Variants in DMD observed in about 807,000 individuals in gnomAD.
DMD encodes dystrophin.
A neutral mutation model predicts 330.1 loss-of-function variants in DMD; 63 were observed. That is an observed-to-expected ratio of 0.19 (90% CI 0.16 to 0.24). DMD has a LOEUF of 0.24. Among genes scored for constraint, DMD ranks in the 10% least tolerant of loss-of-function variants. DMD has a pLI of 1.00. For synonymous variants in DMD, 1,223 were observed against 959.8 expected (o/e 1.27, Z -5.07); for missense variants, 3,344 against 2,684.1 (o/e 1.25, Z -5.43).
intron 26 of DMD, among the ~76,000 whole-genome samples, chrX:32,452,515 G>T (rs2098338643): frequency 1.1e-5 from 1 of 93,907 alleles, no homozygotes; most frequent in Non-Finnish European, 2.2e-5. Context: ...GGAAAGGAAA[G>T]GAAAGGAAAA....
intron 1 of DMD, among the ~76,000 whole-genome samples, chrX:33,106,378 T>A (rs1025124750): frequency 1.8e-5 from 2 of 110,946 alleles, no homozygotes; most frequent in African/African-American, 6.6e-5. Context: ...TTCACCATTA[T>A]ACAATTCATA....
rs746104851 is a variant in DMD at position 32,710,787 on chromosome X, G to T, written c.650-11494C>A. 1.4e-3 allele frequency among the ~76,000 whole-genome samples: 150 copies of T among 110,951 alleles called. 1 individual carries two copies. The highest frequency in any genetic ancestry group is 4.8e-3 in the African/African-American group (146 of 30,567). The stretch of plus-strand genomic sequence containing the variant: ...TTTGTGCTAAGCGTCTGCATACCTG[G>T]GGGTTTGAAAGATTCAAGTGTGTGA... On this transcript the variant is annotated intron_variant, in intron 7 of 78. Coordinates refer to ENST00000357033, the MANE Select transcript of DMD (RefSeq NM_004006.3).
In DMD at chrX:33,190,315, A is replaced by G. The variant is rs565233286; in HGVS notation, c.31+20967T>C. Among the ~76,000 whole-genome samples, 109 of 105,856 alleles carry G rather than the reference A, an allele frequency of 1.0e-3. 1 individual carries two copies. The South Asian group carries it at 0.043, about 42-fold the overall frequency. The allele number at this position is 105,856 out of a possible 115,157, so 91.9% of individuals were successfully genotyped here. On this transcript the variant is annotated intron_variant, in intron 1 of 78. Transcript: ENST00000357033. ...ATTTGTATTTCTGTGAGCTCAATTCATAACTATGCAACTCTCCTGAAGCAT... is the reference window on the plus strand; with the variant it reads ...ATTTGTATTTCTGTGAGCTCAATTCGTAACTATGCAACTCTCCTGAAGCAT...
intron 60 of DMD, among the ~76,000 whole-genome samples, chrX:31,431,315 T>A (rs17340749): frequency 0.14 from 15,835 of 110,432 alleles, 1,066 homozygotes; most frequent in East Asian, 0.34. Context: ...GTAAGGGGAG[T>A]GGAATCTGAA....
intron 27 of DMD, 91 bp from the exon 28 acceptor site, chrX:32,441,405 A>G (rs2098281061): frequency 6.5e-6 from 6 of 923,440 alleles, no homozygotes; most frequent in Non-Finnish European, 9.2e-6. Flanking sequence ...TTCTGAAAAT[A>G]TAACACTTTG....
intron 45 of DMD, among the ~76,000 whole-genome samples, chrX:31,955,817 A>G (rs1005097212): frequency 1.8e-5 from 2 of 112,150 alleles, no homozygotes; most frequent in African/African-American, 6.5e-5. Flanking sequence ...TTTGAGACAT[A>G]GAAGAGGAAA....
intron 42 of DMD, among the ~76,000 whole-genome samples, chrX:32,299,800 G>C (rs1253410500): frequency 9.0e-6 from 1 of 110,617 alleles, no homozygotes; most frequent in East Asian, 2.9e-4. Flanking sequence ...ATGTGTCCTG[G>C]CACAAAAATA....
chrX:32,003,422 A>G (rs370408399), intron 44 of DMD, among the ~76,000 whole-genome samples: 2 of 111,749 alleles, frequency 1.8e-5, no homozygotes, highest in East Asian at 5.6e-4. Flanking sequence ...TACCTTGCCT[A>G]TTTTAGACCC....
At chrX:31,499,500 T>C (rs1245459224) in intron 56 of DMD, among the ~76,000 whole-genome samples, 1 of 102,481 alleles carries the variant, frequency 9.8e-6, no homozygotes, top group African/African-American at 3.6e-5. Context: ...TTTTTTTTTT[T>C]TTTTTTTGGT....
chrX:32,359,783 C>T (rs1291486120), intron 37 of DMD, among the ~76,000 whole-genome samples: 7 of 110,687 alleles, frequency 6.3e-5, no homozygotes, highest in African/African-American at 2.3e-4. Context: ...TGAATTCAAT[C>T]ATAGGAAGGA....
At position 31,785,326 on chromosome X, in the gene DMD, C is replaced by T. The variant is rs769955677; in HGVS notation, c.7310-11134G>A. 8.1e-5 allele frequency among the ~76,000 whole-genome samples: 9 copies of T among 111,509 alleles called. No homozygotes were observed. In the East Asian group the frequency reaches 8.4e-4, roughly 10 times the overall value. On this transcript the variant is annotated intron_variant, in intron 50 of 78. Coordinates refer to ENST00000357033, the MANE Select transcript of DMD (RefSeq NM_004006.3). ...GAGCTCTTCAGTGGGTTTGGAGTTTCGGATTTGAGAGATGAAAACATTCTA... is the reference window on the plus strand; with the variant it reads ...GAGCTCTTCAGTGGGTTTGGAGTTTTGGATTTGAGAGATGAAAACATTCTA...
At chrX:32,089,773 G>C (rs1193752667) in intron 44 of DMD, among the ~76,000 whole-genome samples, 1 of 111,995 alleles carries the variant, frequency 8.9e-6, no homozygotes, top group African/African-American at 3.2e-5. Flanking sequence ...ATGTCTTTAT[G>C]GTAGAATGAT....
At chrX:33,114,713 AAAT>A (rs1035206962) in intron 1 of DMD, among the ~76,000 whole-genome samples, 4 of 111,196 alleles carry the variant, frequency 3.6e-5, no homozygotes, top group Middle Eastern at 4.2e-3. Context: ...ATGAAAACAT[AAAT>A]AATAATATTT....
intron 44 of DMD, among the ~76,000 whole-genome samples, chrX:32,004,872 T>A (rs2095650578): frequency 9.0e-6 from 1 of 111,681 alleles, no homozygotes; most frequent in African/African-American, 3.2e-5. Flanking sequence ...CTTGCTCATT[T>A]CCATAATATC....
At position 31,146,348 on chromosome X, in the gene DMD, C is replaced by T. The variant is rs1470608087; in HGVS notation, c.10864G>A (p.Asp3622Asn). 1.7e-6 allele frequency: 2 copies of T among 1,208,467 alleles called. No homozygotes were observed. The highest frequency in any genetic ancestry group is 1.7e-5 in the African/African-American group (1 of 57,280). ...CGGAGCAGCATAGGCTGACTGCTGT[C>T]GGACCTCTGTAGAGAGGTAGAAGGA... ...SSPSTSLQRS[D>N]SSQPMLLRVV... The change falls in exon 76 of 79, where the codon GAC becomes AAC. Residue 3622 changes from aspartate (D) to asparagine (N), a missense_variant. Asp to Asn is a conservative substitution (Grantham distance 23). Coordinates refer to ENST00000357033, the MANE Select transcript of DMD (RefSeq NM_004006.3).
intron 51 of DMD, among the ~76,000 whole-genome samples, chrX:31,730,851 G>A (rs993475353): frequency 3.6e-5 from 4 of 111,557 alleles, no homozygotes; most frequent in African/African-American, 1.3e-4. Flanking sequence ...TGAGGCCAAT[G>A]AAGATGAAGA....
intron 2 of DMD, among the ~76,000 whole-genome samples, chrX:33,009,930 A>ATGTGTGTATATACACGTGTG (rs2093624338): frequency 3.5e-5 from 1 of 28,970 alleles, no homozygotes; most frequent in African/African-American, 1.2e-4. Flanking sequence ...GTGTATACAC[A>ATGTGTGTATATACACGTGTG]TGTGTGTATA....
intron 43 of DMD, among the ~76,000 whole-genome samples, chrX:32,253,993 A>G (rs1290430656): frequency 9.1e-6 from 1 of 110,285 alleles, no homozygotes; most frequent in Non-Finnish European, 1.9e-5. Flanking sequence ...TTTTTCCTCT[A>G]TGTTTAAAAA....
At chrX:32,180,177 G>A (rs1232333415) in intron 44 of DMD, among the ~76,000 whole-genome samples, 1 of 111,882 alleles carries the variant, frequency 8.9e-6, no homozygotes, top group Non-Finnish European at 1.9e-5. Flanking sequence ...TAACTTGCTG[G>A]TATAAGAAAA....
Sources: allele counts gnomAD v4.1 joint callset (sites outside exome capture counted in the v4.1 genomes callset), GRCh38; gene constraint gnomAD v4.1.1; transcripts MANE v1.5; gene names NCBI Gene and HGNC (gene_info 2026-07-23, HGNC 2026-07-21).